CBFB: variants seen among roughly 807,000 people sequenced by gnomAD.
CBFB encodes core-binding factor subunit beta.
In CBFB, 9 loss-of-function variants were observed where a neutral mutation model predicts 30.4. The observed-to-expected ratio is 0.30, with a 90% CI of 0.18 to 0.52. The LOEUF (loss-of-function observed/expected upper bound fraction) is 0.52. CBFB is among the 20% of genes least tolerant of loss of function. CBFB has a pLI of 0.97. For missense variants in CBFB, 170 were observed against 244.0 expected (o/e 0.70, Z 2.02); for synonymous variants, 94 against 84.0 (o/e 1.12, Z -0.65).
intron 3 of CBFB, among the ~76,000 whole-genome samples, chr16:67,057,771 T>C (rs923979525): frequency 6.6e-6 from 1 of 152,204 alleles, no homozygotes; most frequent in Non-Finnish European, 1.5e-5. Flanking sequence ...AAATATCCTT[T>C]TACTATTGAT....
At chr16:67,031,953 A>G (rs1411751334) in intron 2 of CBFB, among the ~76,000 whole-genome samples, 2 of 151,958 alleles carry the variant, frequency 1.3e-5, no homozygotes, top group Non-Finnish European at 2.9e-5. Context: ...CAGCCTCCCA[A>G]TAGCTGGGAC....
chr16:67,090,047 T>TTTGG (rs1961839027), intron 5 of CBFB, among the ~76,000 whole-genome samples: 1 of 152,196 alleles, frequency 6.6e-6, no homozygotes, highest in Non-Finnish European at 1.5e-5. Context: ...GTGTTTTTTG[T>TTTGG]TTGGTTGGTT....
chr16:67,047,327 G>GA (rs1966645359), intron 3 of CBFB, among the ~76,000 whole-genome samples: 1 of 152,130 alleles, frequency 6.6e-6, no homozygotes, highest in African/African-American at 2.4e-5. Flanking sequence ...GTGCTTTCAG[G>GA]ACTCTAATGC....
Position 67,029,367 on chromosome 16 carries a change from G to GC in CBFB, c.-37dup. The GC allele has an allele frequency of 7.0e-7, 1 of 1,436,134 alleles. No homozygotes were observed. Among genetic ancestry groups the GC allele is most frequent in the Non-Finnish European group, 9.2e-7 (1 of 1,083,604 alleles). The allele number at this position is 1,436,134 out of a possible 1,614,324, so 89.0% of individuals were successfully genotyped here. A position where few individuals can be genotyped will look rare whatever the true frequency, so the allele number is the denominator to read the frequency against. On this transcript the variant is annotated 5_prime_UTR_variant, in exon 1 of 6. Transcript: ENST00000412916. ...AGCCAGCCAGCGGGTGCCCGCGCAA[G>GC]CCCCGAGCGCGGCCGGCCGGCGCGG...
chr16:67,081,910 T>C (rs1961568631), intron 4 of CBFB, among the ~76,000 whole-genome samples: 1 of 150,372 alleles, frequency 6.7e-6, no homozygotes, highest in Non-Finnish European at 1.5e-5. Flanking sequence ...AACCTTCACC[T>C]CCTGGGTTTT....
intron 4 of CBFB, among the ~76,000 whole-genome samples, chr16:67,077,810 G>A (rs1961443592): frequency 6.6e-6 from 1 of 152,212 alleles, no homozygotes; most frequent in Non-Finnish European, 1.5e-5. Context: ...AGTGAAGAGA[G>A]AATTACTACA....
intron 3 of CBFB, among the ~76,000 whole-genome samples, chr16:67,060,543 T>G (rs1048645603): frequency 1.3e-5 from 2 of 151,252 alleles, no homozygotes; most frequent in African/African-American, 4.9e-5. Flanking sequence ...TTCTGGGGGG[T>G]TTTTTGTTTT....
At chr16:67,078,365 C>G (rs191587962) in intron 4 of CBFB, among the ~76,000 whole-genome samples, 51 of 152,160 alleles carry the variant, frequency 3.4e-4, no homozygotes, top group Admixed American at 3.2e-3. Flanking sequence ...CTGGGCAACA[C>G]AGCGAGACCT....
At chr16:67,045,456 G>A (rs879794994) in intron 3 of CBFB, among the ~76,000 whole-genome samples, 26 of 152,054 alleles carry the variant, frequency 1.7e-4, no homozygotes, top group Non-Finnish European at 2.8e-4. Context: ...GGCGGAGGTT[G>A]CAGTGGGCTG....
intron 3 of CBFB, among the ~76,000 whole-genome samples, chr16:67,064,590 A>T (rs950445659): frequency 6.6e-6 from 1 of 152,282 alleles, no homozygotes; most frequent in East Asian, 1.9e-4. Context: ...AATTTCTCTT[A>T]TATTGTTTAT....
Position 67,100,407 on chromosome 16 carries a change from AGT to A in CBFB, c.*1634_*1635del. 1 of 223,828 alleles carries A rather than the reference AGT, an allele frequency of 4.5e-6. No homozygotes were observed. Among genetic ancestry groups the A allele is most frequent in the Non-Finnish European group, 8.9e-6 (1 of 111,892 alleles). The allele number at this position is 223,828 out of a possible 1,614,324, so 13.9% of individuals were successfully genotyped here. A position where few individuals can be genotyped will look rare whatever the true frequency, so the allele number is the denominator to read the frequency against. On this transcript the variant is annotated 3_prime_UTR_variant, in exon 6 of 6. Transcript: ENST00000412916. ...ATATTTGAAGTTATGCATGGAAAGG[AGT>A]GTGTTTAAATTGTTACAAACAATAA...
At position 67,082,193 on chromosome 16, in the gene CBFB, T is replaced by A. The variant is rs2145771295; in HGVS notation, c.400-20T>A. On this transcript the variant is annotated intron_variant, in intron 4 of 5. Transcript: ENST00000412916. ...TTTTATAAATCAAAATTAAAATAGG[T>A]ATTTCATGTATTCTGACAGCAGGAG... 5.4e-6 allele frequency: 8 copies of A among 1,485,264 alleles called. No individual in the cohort carries two copies. Among genetic ancestry groups the A allele is most frequent in the Non-Finnish European group, 7.2e-6 (8 of 1,105,500 alleles). 92.0% of individuals were successfully genotyped at this position (1,485,264 alleles called of 1,614,324 possible).
Position 67,029,504 on chromosome 16 carries a change from C to G in CBFB, c.78+19C>G, listed in dbSNP as rs541140834. 5 of 1,575,682 alleles carry G rather than the reference C, an allele frequency of 3.2e-6. No individual in the cohort carries two copies. The highest frequency in any genetic ancestry group is 4.8e-5 in the East Asian group (2 of 41,328). ...GTGTGAGGTGAGGCAGGCGGGCGGG[C>G]GGCTAGGAGGCCGCAGCGCGCCCCG... On this transcript the variant is annotated intron_variant, in intron 1 of 5. Transcript: ENST00000412916.
rs139771367 is a variant in CBFB, at chr16:67,099,364, T to C, written c.*586T>C. 2.6e-4 allele frequency: 59 copies of C among 222,826 alleles called. 1 individual carries two copies. The East Asian group carries it at 3.8e-3, about 14-fold the overall frequency. The allele number at this position is 222,826 out of a possible 1,614,324, so 13.8% of individuals were successfully genotyped here. On this transcript the variant is annotated 3_prime_UTR_variant, in exon 6 of 6. Coordinates refer to ENST00000412916, the MANE Select transcript of CBFB (RefSeq NM_022845.3). ...TGTCTGCCACAGCCTTCTGACAAAG[T>C]TTACAGTTATTAAAGTTGCAGTATC...
chr16:67,076,065 A>T (rs1396146487), intron 4 of CBFB, among the ~76,000 whole-genome samples: 2 of 152,182 alleles, frequency 1.3e-5, no homozygotes, highest in Non-Finnish European at 2.9e-5. Flanking sequence ...CCCCGTATCA[A>T]CTAAAAATAC....
At chr16:67,080,729 C>T (rs1961531421) in intron 4 of CBFB, among the ~76,000 whole-genome samples, 1 of 152,138 alleles carries the variant, frequency 6.6e-6, no homozygotes, top group African/African-American at 2.4e-5. Context: ...CAGTGCTGTT[C>T]ATCTTCATTT....
intron 3 of CBFB, among the ~76,000 whole-genome samples, chr16:67,045,601 G>T (rs143857218): frequency 1.3e-5 from 2 of 152,190 alleles, no homozygotes; most frequent in Admixed American, 1.3e-4. Flanking sequence ...CATGGTAAAT[G>T]CACCTCTGAA....
intron 4 of CBFB, among the ~76,000 whole-genome samples, chr16:67,077,587 C>A (rs1961437805): frequency 6.6e-6 from 1 of 152,064 alleles, no homozygotes; most frequent in African/African-American, 2.4e-5. Flanking sequence ...TCAGTGATAC[C>A]ATTCTGGTCC....
At chr16:67,065,583 G>A (rs969770289) in intron 3 of CBFB, among the ~76,000 whole-genome samples, 1 of 151,610 alleles carries the variant, frequency 6.6e-6, no homozygotes, top group African/African-American at 2.4e-5. Flanking sequence ...TCTCTGTGTT[G>A]CCCAGGCAGG....
Sources: gnomAD v4.1 joint callset for allele counts (sites outside exome capture counted in the v4.1 genomes callset) on GRCh38, gnomAD v4.1.1 for gene constraint, MANE v1.5 for transcripts, NCBI Gene and HGNC (gene_info 2026-07-23, HGNC 2026-07-21) for gene names.